PRDM16: variants seen among roughly 807,000 people sequenced by gnomAD.
PRDM16 encodes the protein PR/SET domain 16, also known as histone-lysine N-methyltransferase PRDM16.
In PRDM16, 23 loss-of-function variants were observed where a neutral mutation model predicts 110.6. The observed-to-expected ratio is 0.21, with a 90% CI of 0.15 to 0.29. The LOEUF (loss-of-function observed/expected upper bound fraction) is 0.29, where lower values mean the gene tolerates loss of function less well. Among genes scored for constraint, PRDM16 ranks in the 10% least tolerant of loss-of-function variants. The pLI, the probability that PRDM16 is intolerant of heterozygous loss-of-function variation, is 1.00. For synonymous variants in PRDM16, 799 were observed against 781.8 expected (o/e 1.02, Z -0.37); for missense variants, 1,615 against 1,794.3 (o/e 0.90, Z 1.81).
intron 12 of PRDM16, among the ~76,000 whole-genome samples, chr1:3,419,770 C>T (rs1375152602): frequency 3.9e-5 from 6 of 152,004 alleles, no homozygotes; most frequent in Admixed American, 3.9e-4. Context: ...AGCTGAGGCA[C>T]CTGTGCATGT....
At chr1:3,302,952 T>A (rs944517205) in intron 3 of PRDM16, among the ~76,000 whole-genome samples, 2 of 152,082 alleles carry the variant, frequency 1.3e-5, no homozygotes, top group East Asian at 3.9e-4. Context: ...AGTAGGCAAA[T>A]TCAGGAATAT....
At chr1:3,273,447 TGTGG>T (rs964658978) in intron 3 of PRDM16, among the ~76,000 whole-genome samples, 4 of 131,660 alleles carry the variant, frequency 3.0e-5, no homozygotes, top group Non-Finnish European at 4.7e-5. Context: ...CATGTGTGTG[TGTGG>T]GTGGGTGGGT....
chr1:3,402,765 C>T (rs1216601124), intron 5 of PRDM16, 26 bp from the exon 6 acceptor site: 1 of 1,597,380 alleles, frequency 6.3e-7, no homozygotes, highest in Non-Finnish European at 8.6e-7. Context: ...AGCTCACTCA[C>T]CACCACCTCG....
intron 2 of PRDM16, among the ~76,000 whole-genome samples, chr1:3,203,165 G>T (rs4308918): frequency 6.6e-6 from 1 of 152,188 alleles, no homozygotes; most frequent in African/African-American, 2.4e-5. Flanking sequence ...GAACCTCGTC[G>T]TCTGTTGCTT....
At chr1:3,398,290 A>G (rs1281127946) in intron 5 of PRDM16, among the ~76,000 whole-genome samples, 1 of 152,020 alleles carries the variant, frequency 6.6e-6, no homozygotes, top group African/African-American at 2.4e-5. Context: ...CTGGGTCTAC[A>G]TTTTCCTAAT....
intron 4 of PRDM16, among the ~76,000 whole-genome samples, chr1:3,389,949 G>GCCCCCCCCCCCCCCCCCCCCCCCC (rs70938087): frequency 9.4e-6 from 1 of 106,948 alleles, no homozygotes; most frequent in Non-Finnish European, 2.0e-5. Context: ...CTGGGGGTGC[G>GCCCCCCCCCCCCCCCCCCCCCCCC]CCCCCCCCCC....
intron 1 of PRDM16, among the ~76,000 whole-genome samples, chr1:3,180,155 G>A (rs542347302): frequency 1.3e-5 from 2 of 151,776 alleles, no homozygotes; most frequent in Non-Finnish European, 2.9e-5. Flanking sequence ...AGTTATTTCT[G>A]TTGTTTCTGT....
Position 3,412,669 on chromosome 1 carries a change from G to A in PRDM16, c.2472G>A (p.Lys824=), listed in dbSNP as rs912467063. 6.6e-7 allele frequency: 1 copy of A among 1,519,918 alleles called. No homozygotes were observed. Among genetic ancestry groups the A allele is most frequent in the Admixed American group, 2.1e-5 (1 of 46,776 alleles). The allele number at this position is 1,519,918 out of a possible 1,614,324, so 94.2% of individuals were successfully genotyped here. A position where few individuals can be genotyped will look rare whatever the true frequency, so the allele number is the denominator to read the frequency against. ...SQNGGGREPR[K]NHVYGERKLG... ...ACGGCGGCGGGCGGGAGCCCCGCAAGAACCACGTCTATGGGGAACGCAAGC... is the reference window on the plus strand; with the variant it reads ...ACGGCGGCGGGCGGGAGCCCCGCAAAAACCACGTCTATGGGGAACGCAAGC... Residue 824 remains lysine, a synonymous_variant, in exon 9 of 17, where the codon AAG becomes AAA. Transcript: ENST00000270722.
intron 3 of PRDM16, among the ~76,000 whole-genome samples, chr1:3,291,405 GGA>G (rs1482405757): frequency 1.3e-5 from 2 of 152,206 alleles, no homozygotes; most frequent in Non-Finnish European, 2.9e-5. Flanking sequence ...TAGCTGCCAT[GGA>G]GTTGTCTGCA....
At position 3,425,667 on chromosome 1, in the gene PRDM16, A is replaced by G. The variant is rs755243341; in HGVS notation, c.3026A>G (p.Lys1009Arg). ...RNIHNKEKPFKCHLCNRCFGQ... is the reference protein window; with the variant it reads ...RNIHNKEKPFRCHLCNRCFGQ... Reference sequence around the variant, plus strand: ...ATCCACAACAAGGAGAAGCCTTTCAAGTGCCACCTGTGCAACCGCTGCTTC... The same window carrying G: ...ATCCACAACAAGGAGAAGCCTTTCAGGTGCCACCTGTGCAACCGCTGCTTC... Residue 1009 changes from lysine (K) to arginine (R), a missense_variant, in exon 13 of 17, where the codon AAG (lysine) becomes AGG (arginine). Physicochemically the swap from Lys to Arg is conservative, Grantham distance 26. Around this residue, in one of 5 missense-constraint regions of PRDM16, gnomAD observed 327 missense variants for 359.3 expected, o/e 0.91. Coordinates refer to ENST00000270722, the MANE Select transcript of PRDM16 (RefSeq NM_022114.4). This position sits in a 1 kb window ranked among gnomAD's most constrained non-coding sequence, Gnocchi z 6.9. 2 of 1,613,982 alleles carry G rather than the reference A, an allele frequency of 1.2e-6. No individual in the cohort carries two copies. Among genetic ancestry groups the G allele is most frequent in the Admixed American group, 1.7e-5 (1 of 60,028 alleles).
intron 1 of PRDM16, among the ~76,000 whole-genome samples, chr1:3,106,207 C>T (rs1249701215): frequency 1.3e-5 from 2 of 152,220 alleles, no homozygotes; most frequent in Admixed American, 1.3e-4. Flanking sequence ...GAGAGCAGCC[C>T]TGGTGAGCAG....
intron 1 of PRDM16, among the ~76,000 whole-genome samples, chr1:3,151,256 G>A (rs942473181): frequency 6.6e-6 from 1 of 152,216 alleles, no homozygotes; most frequent in Non-Finnish European, 1.5e-5. Flanking sequence ...GAGAAGGCTC[G>A]ACCAAGGTCC....
At chr1:3,136,448 C>G (rs1437577187) in intron 1 of PRDM16, among the ~76,000 whole-genome samples, 1 of 152,194 alleles carries the variant, frequency 6.6e-6, no homozygotes, top group African/African-American at 2.4e-5. Context: ...GCCTGACCCC[C>G]TCTAGGGCTT....
intron 1 of PRDM16, among the ~76,000 whole-genome samples, chr1:3,172,414 C>T (rs1264350174): frequency 2.0e-5 from 3 of 152,106 alleles, no homozygotes; most frequent in African/African-American, 4.8e-5. Context: ...ACAGGAGCCT[C>T]GTTTCACTTG....
In PRDM16 at chr1:3,243,325, G is replaced by A. The variant is rs941400961; in HGVS notation, c.388-762G>A. On this transcript the variant is annotated intron_variant, in intron 2 of 16. Transcript: ENST00000270722. This position sits in a 1 kb window ranked among gnomAD's most constrained non-coding sequence, Gnocchi z 5.5. ...AGCCATGGGGGACATCCCCCTCCCAGGGATCTGGATGGGAGTGAAGAGCCA... is the reference window on the plus strand; with the variant it reads ...AGCCATGGGGGACATCCCCCTCCCAAGGATCTGGATGGGAGTGAAGAGCCA... Among the ~76,000 whole-genome samples the A allele has an allele frequency of 1.3e-5, 2 of 152,132 alleles. No homozygotes were observed. Among genetic ancestry groups the A allele is most frequent in the Admixed American group, 6.5e-5 (1 of 15,272 alleles).
chr1:3,422,186 A>C (rs912936369), intron 12 of PRDM16, among the ~76,000 whole-genome samples: 22 of 147,120 alleles, frequency 1.5e-4, no homozygotes, highest in African/African-American at 5.1e-4. Flanking sequence ...AGATAGATAG[A>C]TAGGTAGGCA....
intron 12 of PRDM16, among the ~76,000 whole-genome samples, chr1:3,419,233 C>G (rs1017469806): frequency 2.0e-5 from 3 of 152,156 alleles, no homozygotes; most frequent in Admixed American, 2.0e-4. Flanking sequence ...CCCCACCCCC[C>G]ACTTGGAGCC....
chr1:3,354,815 G>A (rs1642561046), intron 3 of PRDM16, among the ~76,000 whole-genome samples: 1 of 152,180 alleles, frequency 6.6e-6, no homozygotes, highest in African/African-American at 2.4e-5. Context: ...AGACAGGAGG[G>A]GACATTTCGA....
At chr1:3,183,304 G>A (rs1357687466) in intron 1 of PRDM16, among the ~76,000 whole-genome samples, 1 of 152,248 alleles carries the variant, frequency 6.6e-6, no homozygotes, top group Admixed American at 6.5e-5. Context: ...GGGTGGAGAA[G>A]GGCTGACTCT....
Sources: allele counts gnomAD v4.1 joint callset (sites outside exome capture counted in the v4.1 genomes callset), GRCh38; gene constraint gnomAD v4.1.1; regional missense constraint gnomAD v4.1.1; non-coding constraint Gnocchi (gnomAD v3.1); transcripts MANE v1.5; gene names NCBI Gene and HGNC (gene_info 2026-07-23, HGNC 2026-07-21).